The following SNX30 variants were observed in gnomAD, a reference collection of about 807,000 sequenced individuals.
SNX30 encodes the protein sorting nexin family member 30.
Under a neutral mutation model 46.4 loss-of-function variants are expected in SNX30, and 24 were observed. That is an observed-to-expected ratio of 0.52 (90% confidence interval 0.37 to 0.73). The LOEUF (loss-of-function observed/expected upper bound fraction) is 0.73, where lower values mean the gene tolerates loss of function less well. Among genes scored for constraint, SNX30 ranks in the 30% least tolerant of loss-of-function variants. The pLI is 0.00. For synonymous variants in SNX30, 189 were observed against 211.5 expected, an observed-to-expected ratio of 0.89 and a Z score of 0.92; for missense variants, 533 against 555.7, an observed-to-expected ratio of 0.96 and a Z score of 0.41.
At chr9:112,798,166 T>C (rs1466388310) in intron 1 of SNX30, among the ~76,000 whole-genome samples, 4 of 106,144 alleles carry the variant, frequency 3.8e-5, no homozygotes, top group African/African-American at 1.1e-4. Context: ...TTAGGGTACA[T>C]GTGCACATTG....
intron 4 of SNX30, among the ~76,000 whole-genome samples, chr9:112,832,445 AGAGAGAGAGAGAGAGTGTGTGT>A (rs1840674948): frequency 8.5e-6 from 1 of 118,164 alleles, no homozygotes; most frequent in African/African-American, 3.6e-5. Flanking sequence ...AGAGAGAGAG[AGAGAGAGAGAGAGAGTGTGTGT>A]GTGTGTGTGT....
chr9:112,838,711 C>T lies in SNX30; in HGVS notation c.1014+14C>T. ...GACTCCATGAAGGTAAGCTGGCTTGCTTCTTGTGTATTTGCATACTTTCTT... is the reference window on the plus strand; with the variant it reads ...GACTCCATGAAGGTAAGCTGGCTTGTTTCTTGTGTATTTGCATACTTTCTT... On this transcript the variant is annotated intron_variant, in intron 6 of 8. Coordinates refer to ENST00000374232, the MANE Select transcript of SNX30 (RefSeq NM_001012994.2). 6.2e-7 allele frequency: 1 copy of T among 1,611,488 alleles called. No individual in the cohort carries two copies. Among genetic ancestry groups the T allele is most frequent in the Non-Finnish European group, 8.5e-7 (1 of 1,178,126 alleles).
chr9:112,755,944 GC>G (rs1554746653), intron 1 of SNX30, among the ~76,000 whole-genome samples: 1 of 152,098 alleles, frequency 6.6e-6, no homozygotes, highest in Non-Finnish European at 1.5e-5. Context: ...TGGGTCAGGC[GC>G]CTAAACCAGT....
intron 6 of SNX30, among the ~76,000 whole-genome samples, chr9:112,842,475 A>G (rs1564288592): frequency 3.3e-5 from 5 of 152,248 alleles, no homozygotes; most frequent in Admixed American, 2.6e-4. Flanking sequence ...ATGCCAGGGA[A>G]AAGTCCTGTC....
At chr9:112,749,769 T>C (rs62576365), upstream of SNX30, among the ~76,000 whole-genome samples, 10,358 of 152,306 alleles carry the variant, frequency 0.068, 446 homozygotes, top group Non-Finnish European at 0.099. Context: ...AGTCAACATC[T>C]GTCATCACCT....
intron 7 of SNX30, among the ~76,000 whole-genome samples, chr9:112,859,886 G>A (rs1377330827): frequency 1.3e-5 from 2 of 151,672 alleles, no homozygotes; most frequent in African/African-American, 4.8e-5. Flanking sequence ...GCTTTGATTA[G>A]CATTTCACTA....
chr9:112,857,072 C>G (rs59969998), intron 7 of SNX30, among the ~76,000 whole-genome samples: 3 of 152,192 alleles, frequency 2.0e-5, no homozygotes, highest in Admixed American at 6.5e-5. Flanking sequence ...AGCTGTGCTC[C>G]CTGAGGGGGC....
intron 1 of SNX30, among the ~76,000 whole-genome samples, chr9:112,782,191 C>T (rs1304407309): frequency 1.3e-5 from 2 of 152,002 alleles, no homozygotes; most frequent in East Asian, 1.9e-4. Flanking sequence ...CTCAGCCTCC[C>T]GAGTAGCTGG....
chr9:112,810,508 A>G (rs1006548950), intron 2 of SNX30, among the ~76,000 whole-genome samples: 3 of 152,168 alleles, frequency 2.0e-5, no homozygotes, highest in Non-Finnish European at 4.4e-5. Flanking sequence ...GAATGGATGG[A>G]ATGTCAAGGA....
chr9:112,818,783 G>A (rs1840445244), intron 3 of SNX30, among the ~76,000 whole-genome samples: 1 of 152,166 alleles, frequency 6.6e-6, no homozygotes, highest in Admixed American at 6.5e-5. Flanking sequence ...TGTATGTTGT[G>A]AATGCACTGG....
chr9:112,783,407 T>A (rs1839875286), intron 1 of SNX30, among the ~76,000 whole-genome samples: 1 of 152,224 alleles, frequency 6.6e-6, no homozygotes, highest in Non-Finnish European at 1.5e-5. Context: ...ATTTAATATG[T>A]AAAGTGACTT....
chr9:112,845,979 A>G (rs577118598), intron 6 of SNX30, among the ~76,000 whole-genome samples: 2 of 152,252 alleles, frequency 1.3e-5, no homozygotes, highest in Admixed American at 6.5e-5. Context: ...AATATTTTCC[A>G]AAAGAGAAGA....
At chr9:112,814,630 C>G (rs1266275764) in intron 2 of SNX30, among the ~76,000 whole-genome samples, 2 of 152,072 alleles carry the variant, frequency 1.3e-5, no homozygotes, top group African/African-American at 4.8e-5. Flanking sequence ...ATGTTCAACC[C>G]CAATAGTAAT....
chr9:112,781,668 G>A (rs1403361259), intron 1 of SNX30, among the ~76,000 whole-genome samples: 2 of 151,636 alleles, frequency 1.3e-5, no homozygotes, highest in Non-Finnish European at 2.9e-5. Flanking sequence ...TTCTTGCTCT[G>A]TTGCCCAGGC....
chr9:112,805,220 TTA>T lies in SNX30; in HGVS notation c.348+255_348+256del, dbSNP rs1840207677. Among the ~76,000 whole-genome samples the T allele has an allele frequency of 2.3e-4, 4 of 17,554 alleles. No homozygotes were observed. In the South Asian group the frequency reaches 7.2e-3, roughly 32 times the overall value. 11.5% of individuals were successfully genotyped at this position (17,554 alleles called of 152,430 possible). On this transcript the variant is annotated intron_variant, in intron 2 of 8. Coordinates refer to ENST00000374232, the MANE Select transcript of SNX30 (RefSeq NM_001012994.2). ...AAACATTTAATCCCTATACTTGCGC[TTA>T]TTTTTTTTTTTACCATGATACTATT...
At chr9:112,768,601 G>A (rs549986555) in intron 1 of SNX30, among the ~76,000 whole-genome samples, 2 of 107,636 alleles carry the variant, frequency 1.9e-5, no homozygotes, top group East Asian at 5.9e-4. Flanking sequence ...GGCCCAGGGA[G>A]CAGTATTTTT....
Position 112,870,881 on chromosome 9 carries a change from A to G in SNX30, c.*2038A>G, listed in dbSNP as rs1841434659. On this transcript the variant is annotated 3_prime_UTR_variant, in exon 9 of 9. Coordinates refer to ENST00000374232, the MANE Select transcript of SNX30 (RefSeq NM_001012994.2). Reference sequence around the variant, plus strand: ...GTATGCTTTACAAATGTCCAGTGTAATGAATGTTTGGAAAAAACTGGAGTT... The same window carrying G: ...GTATGCTTTACAAATGTCCAGTGTAGTGAATGTTTGGAAAAAACTGGAGTT... 6.6e-6 allele frequency: 1 copy of G among 152,258 alleles called. No individual in the cohort carries two copies. Among genetic ancestry groups the G allele is most frequent in the South Asian group, 2.1e-4 (1 of 4,832 alleles). The allele number at this position is 152,258 out of a possible 1,614,324, so 9.4% of individuals were successfully genotyped here. A position where few individuals can be genotyped will look rare whatever the true frequency, so the allele number is the denominator to read the frequency against.
downstream of SNX30, among the ~76,000 whole-genome samples, chr9:112,884,424 G>T (rs1227911328): frequency 3.9e-5 from 6 of 152,190 alleles, no homozygotes; most frequent in East Asian, 1.2e-3. Flanking sequence ...GCCCCTCCTA[G>T]CTGTGAAACT....
chr9:112,882,053 C>T (rs1356061497), downstream of SNX30, among the ~76,000 whole-genome samples: 1 of 152,078 alleles, frequency 6.6e-6, no homozygotes, highest in Non-Finnish European at 1.5e-5. Flanking sequence ...GTGGCCAGGC[C>T]AGCTTATGCA....
Sources: gnomAD v4.1 joint callset for allele counts (sites outside exome capture counted in the v4.1 genomes callset) on GRCh38, gnomAD v4.1.1 for gene constraint, MANE v1.5 for transcripts, NCBI Gene and HGNC (gene_info 2026-07-23, HGNC 2026-07-21) for gene names.